The following SMARCA1 variants were observed in gnomAD, a reference collection of about 807,000 sequenced individuals.
The protein encoded by SMARCA1 is SWI/SNF-related matrix-associated actin-dependent regulator of chromatin subfamily A member 1.
Under a neutral mutation model 93.6 loss-of-function variants are expected in SMARCA1, and 17 were observed. That is an observed-to-expected ratio of 0.18 (90% CI 0.12 to 0.27). The LOEUF is 0.27. SMARCA1 is among the 10% of genes least tolerant of loss of function. The pLI is 1.00. For missense variants in SMARCA1, 630 were observed against 819.0 expected (o/e 0.77, Z 2.82); for synonymous variants, 271 against 271.4 (o/e 1.00, Z 0.01).
chrX:129,483,551 T>C (rs1346872694), intron 17 of SMARCA1, among the ~76,000 whole-genome samples: 1 of 112,165 alleles, frequency 8.9e-6, no homozygotes, highest in Non-Finnish European at 1.9e-5. Flanking sequence ...ATTTTATCTT[T>C]CTCAATTGGA....
chrX:129,476,432 A>C (rs1412521729), intron 19 of SMARCA1, among the ~76,000 whole-genome samples: 1 of 112,167 alleles, frequency 8.9e-6, no homozygotes, highest in Non-Finnish European at 1.9e-5. Flanking sequence ...GCAAATAACC[A>C]GGAAGTACAA....
chrX:129,512,214 C>A (rs1935042868), intron 5 of SMARCA1, among the ~76,000 whole-genome samples: 1 of 112,069 alleles, frequency 8.9e-6, no homozygotes, highest in Admixed American at 9.5e-5. Context: ...AACTTGCAGT[C>A]AGAATGTTGC....
chrX:129,521,527 T>G (rs1266146724), intron 1 of SMARCA1, among the ~76,000 whole-genome samples: 1 of 112,170 alleles, frequency 8.9e-6, no homozygotes, highest in Non-Finnish European at 1.9e-5. Flanking sequence ...TATGTAGGCA[T>G]CAACTCAGTG....
At chrX:129,513,920 T>C (rs757611863) in intron 5 of SMARCA1, among the ~76,000 whole-genome samples, 3 of 112,620 alleles carry the variant, frequency 2.7e-5, no homozygotes, top group African/African-American at 6.4e-5. Context: ...TTCTGGATAA[T>C]AGTGATTACA....
At chrX:129,499,413 C>T (rs6529381) in intron 10 of SMARCA1, among the ~76,000 whole-genome samples, 13,593 of 110,564 alleles carry the variant, frequency 0.12, 757 homozygotes, top group East Asian at 0.32. Context: ...AATCCTAACA[C>T]CATCCTCATA....
At chrX:129,503,521 A>G (rs1934644199) in intron 9 of SMARCA1, among the ~76,000 whole-genome samples, 3 of 112,169 alleles carry the variant, frequency 2.7e-5, no homozygotes, top group African/African-American at 9.7e-5. Flanking sequence ...TGCTGGATAC[A>G]GAAAAAAGTC....
intron 17 of SMARCA1, 51 bp downstream of exon 17, chrX:129,486,967 A>G (rs1367583851): frequency 9.6e-7 from 1 of 1,043,748 alleles, no homozygotes. Flanking sequence ...TATAATTGTT[A>G]TGGGGAGAAA....
chrX:129,493,323 T>C (rs969130101), intron 12 of SMARCA1, among the ~76,000 whole-genome samples: 1 of 111,757 alleles, frequency 8.9e-6, no homozygotes, highest in Non-Finnish European at 1.9e-5. Flanking sequence ...ACATATAGTA[T>C]ATGAAGTCTG....
intron 15 of SMARCA1, 123 bp downstream of exon 15, chrX:129,489,937 G>T: frequency 2.2e-6 from 1 of 456,802 alleles, no homozygotes; most frequent in Non-Finnish European, 3.8e-6. Context: ...GATACACAGT[G>T]ATGTTTCAAT....
chrX:129,481,389 T>C (rs1350667264), intron 17 of SMARCA1, among the ~76,000 whole-genome samples: 1 of 112,551 alleles, frequency 8.9e-6, no homozygotes, highest in Non-Finnish European at 1.9e-5. Flanking sequence ...TTTCTTTATT[T>C]TTATTTGAAA....
intron 19 of SMARCA1, among the ~76,000 whole-genome samples, chrX:129,472,444 A>G (rs1345981713): frequency 9.0e-6 from 1 of 111,362 alleles, no homozygotes; most frequent in African/African-American, 3.3e-5. Context: ...TCTCATTGTT[A>G]TATGTATTTC....
chrX:129,485,307 T>C (rs1442559795), intron 17 of SMARCA1, among the ~76,000 whole-genome samples: 1 of 112,106 alleles, frequency 8.9e-6, no homozygotes, highest in African/African-American at 3.2e-5. Flanking sequence ...TAATGCTGGG[T>C]TTTGGACTTG....
Position 129,516,372 on chromosome X carries a change from T to C in SMARCA1, c.387A>G (p.Arg129=). 1 of 1,209,778 alleles carries C rather than the reference T, an allele frequency of 8.3e-7. No individual in the cohort carries two copies. The highest frequency in any genetic ancestry group is 1.8e-5 in the South Asian group (1 of 56,768). ...SPLNMKLGRP[R]IKKDEKQSLI... ...AGCTCTGCTTTTCATCTTTCTTTAT[T>C]CGGGGACGTCCCAATTTCATGTTCA... Residue 129 remains arginine (R), a synonymous_variant, in exon 3 of 25, where the codon CGA becomes CGG. Transcript: ENST00000371121.
chrX:129,521,181 C>G (rs1935380054), intron 1 of SMARCA1, among the ~76,000 whole-genome samples: 1 of 111,753 alleles, frequency 8.9e-6, no homozygotes, highest in Admixed American at 9.4e-5. Context: ...CCACCGCGCC[C>G]GGCTGGAAAA....
intron 19 of SMARCA1, among the ~76,000 whole-genome samples, chrX:129,471,639 G>GT (rs1214702066): frequency 9.1e-6 from 1 of 110,496 alleles, no homozygotes; most frequent in African/African-American, 3.3e-5. Flanking sequence ...AAGTTTAGTG[G>GT]TAAAAAACAA....
intron 5 of SMARCA1, among the ~76,000 whole-genome samples, chrX:129,514,420 CCTT>C (rs1460431662): frequency 1.8e-5 from 2 of 112,594 alleles, no homozygotes; most frequent in African/African-American, 6.5e-5. Flanking sequence ...ATTTATAACT[CCTT>C]CACTGATTTC....
At chrX:129,480,058 A>G (rs911208223) in intron 19 of SMARCA1, among the ~76,000 whole-genome samples, 2 of 112,021 alleles carry the variant, frequency 1.8e-5, no homozygotes, top group African/African-American at 3.2e-5. Flanking sequence ...CTCTCCATTC[A>G]CTAGGAAGTC....
At chrX:129,456,056 C>T (rs1478418215) in intron 23 of SMARCA1, among the ~76,000 whole-genome samples, 1 of 111,582 alleles carries the variant, frequency 9.0e-6, no homozygotes, top group African/African-American at 3.3e-5. Context: ...AAGCGGATGC[C>T]CAGCTTCAAA....
chrX:129,497,928 G>A lies in SMARCA1; in HGVS notation c.1421C>T (p.Pro474Leu). The A allele has an allele frequency of 8.3e-7, 1 of 1,206,571 alleles. No individual in the cohort carries two copies. Among genetic ancestry groups the A allele is most frequent in the South Asian group, 1.8e-5 (1 of 56,871 alleles). ...GACAATATGCTCATCAGTGGTATAA[G>A]GTGGACCAGGTTCAGCACCATCAAA... ...YLFDGAEPGP[P>L]YTTDEHIVSN... The change falls in exon 11 of 25, where the codon CCT becomes CTT. Residue 474 changes from proline (P) to leucine (L), a missense_variant. Coordinates refer to ENST00000371121, the MANE Select transcript of SMARCA1 (RefSeq NM_001282874.2).
Sources: allele counts gnomAD v4.1 joint callset (sites outside exome capture counted in the v4.1 genomes callset), GRCh38; gene constraint gnomAD v4.1.1; transcripts MANE v1.5; gene names NCBI Gene and HGNC (gene_info 2026-07-23, HGNC 2026-07-21).